Variants in MACROD2 observed in about 807,000 individuals in gnomAD.
MACROD2 encodes the protein ADP-ribose glycohydrolase MACROD2.
In MACROD2, 36 loss-of-function variants were observed where a neutral mutation model predicts 70.4. The observed-to-expected ratio is 0.51, with a 90% CI of 0.39 to 0.68. MACROD2 has a LOEUF of 0.68. Among genes scored for constraint, MACROD2 ranks in the 30% least tolerant of loss-of-function variants. The pLI, the probability that MACROD2 is intolerant of heterozygous loss-of-function variation, is 0.00. For synonymous variants in MACROD2, 172 were observed against 178.8 expected, an observed-to-expected ratio of 0.96 and a Z score of 0.30; for missense variants, 496 against 538.4, an observed-to-expected ratio of 0.92 and a Z score of 0.78.
chr20:14,691,449 G>C (rs2071063122), intron 5 of MACROD2, among the ~76,000 whole-genome samples: 1 of 152,140 alleles, frequency 6.6e-6, no homozygotes, highest in African/African-American at 2.4e-5. Context: ...TGAAAAGAAT[G>C]CCTAGAAAAA....
chr20:14,527,754 A>G (rs921361089), intron 4 of MACROD2, among the ~76,000 whole-genome samples: 1 of 152,226 alleles, frequency 6.6e-6, no homozygotes, highest in Admixed American at 6.5e-5. Flanking sequence ...TGTTAGACAC[A>G]TGCCAGAATG....
chr20:14,127,846 G>A, intron 3 of MACROD2: 1 of 469,998 alleles, frequency 2.1e-6, no homozygotes, highest in South Asian at 1.7e-5. Flanking sequence ...ATAGCAGGAA[G>A]CACCAACTCT....
At chr20:14,047,898 T>C (rs921293346) in intron 2 of MACROD2, among the ~76,000 whole-genome samples, 2 of 152,050 alleles carry the variant, frequency 1.3e-5, no homozygotes, top group Non-Finnish European at 2.9e-5. Flanking sequence ...AAGTTTTTGG[T>C]AAAATCAAAT....
chr20:15,162,558 G>A (rs1049611612), intron 5 of MACROD2, among the ~76,000 whole-genome samples: 6 of 152,060 alleles, frequency 3.9e-5, no homozygotes, highest in South Asian at 2.1e-4. Flanking sequence ...TGTAACTATC[G>A]ACATTGCTTC....
intron 3 of MACROD2, among the ~76,000 whole-genome samples, chr20:14,225,143 A>G (rs956397901): frequency 2.0e-5 from 3 of 152,216 alleles, no homozygotes; most frequent in Non-Finnish European, 4.4e-5. Context: ...TGGCAGAATA[A>G]TTTGTTTTCC....
intron 5 of MACROD2, among the ~76,000 whole-genome samples, chr20:14,930,395 A>G (rs1050129688): frequency 2.0e-5 from 3 of 152,210 alleles, no homozygotes; most frequent in Non-Finnish European, 1.5e-5. Flanking sequence ...AGCAGAGGTT[A>G]AAACATGTAT....
At chr20:15,519,892 C>G (rs2047628342) in intron 8 of MACROD2, among the ~76,000 whole-genome samples, 1 of 152,168 alleles carries the variant, frequency 6.6e-6, no homozygotes, top group African/African-American at 2.4e-5. Flanking sequence ...CCAACAGTTC[C>G]ATAATCTGAA....
At chr20:15,197,938 T>C (rs2076619714) in intron 5 of MACROD2, among the ~76,000 whole-genome samples, 1 of 150,344 alleles carries the variant, frequency 6.7e-6, no homozygotes, top group Non-Finnish European at 1.5e-5. Context: ...CTCAAGCAAT[T>C]TTCCTGCCTT....
intron 5 of MACROD2, among the ~76,000 whole-genome samples, chr20:15,035,069 A>T (rs1347920769): frequency 1.6e-4 from 25 of 152,002 alleles, no homozygotes. Context: ...CCATTTTCTC[A>T]CTCTTTTACC....
rs1452183966 is a variant in MACROD2 at position 15,294,017 on chromosome 20, A to C, written c.540+63956A>C. ...CACCTGTAACCCCAGCTACTTCGGGAGGCTGAGGCAGGAGAATTGCTTGAA... is the reference window on the plus strand; with the variant it reads ...CACCTGTAACCCCAGCTACTTCGGGCGGCTGAGGCAGGAGAATTGCTTGAA... On this transcript the variant is annotated intron_variant, in intron 6 of 17. Coordinates refer to ENST00000684519, the MANE Select transcript of MACROD2 (RefSeq NM_001351661.2). Among the ~76,000 whole-genome samples, 166 of 150,644 alleles carry C rather than the reference A, an allele frequency of 1.1e-3. 4 individuals are homozygous for C. In the Admixed American group the frequency reaches 0.011, roughly 10 times the overall value.
intron 6 of MACROD2, among the ~76,000 whole-genome samples, chr20:15,271,556 T>G (rs998796231): frequency 2.0e-5 from 3 of 152,220 alleles, no homozygotes; most frequent in African/African-American, 7.2e-5. Context: ...AAGAAGCATT[T>G]GTTAGATGTT....
chr20:15,288,172 T>C (rs1203622349), intron 6 of MACROD2, among the ~76,000 whole-genome samples: 1 of 152,200 alleles, frequency 6.6e-6, no homozygotes, highest in Non-Finnish European at 1.5e-5. Flanking sequence ...GACACTATGT[T>C]GGTTGACATA....
intron 4 of MACROD2, among the ~76,000 whole-genome samples, chr20:14,563,042 C>G (rs1189594492): frequency 1.3e-5 from 2 of 151,916 alleles, no homozygotes; most frequent in African/African-American, 4.8e-5. Context: ...CCTGCAGTCA[C>G]ACCTTTACTT....
chr20:14,035,167 A>G (rs532525912), intron 2 of MACROD2, among the ~76,000 whole-genome samples: 1 of 152,212 alleles, frequency 6.6e-6, no homozygotes, highest in Non-Finnish European at 1.5e-5. Context: ...AAGCTTCTGC[A>G]AGTATTTTTA....
At chr20:15,570,508 C>G (rs572951585) in intron 8 of MACROD2, among the ~76,000 whole-genome samples, 1 of 152,122 alleles carries the variant, frequency 6.6e-6, no homozygotes, top group South Asian at 2.1e-4. Context: ...CCAGCTCAAG[C>G]AAGAAAAGAA....
intron 3 of MACROD2, among the ~76,000 whole-genome samples, chr20:14,294,451 CTGT>C (rs1212596126): frequency 1.3e-5 from 2 of 151,482 alleles, no homozygotes; most frequent in African/African-American, 4.9e-5. Context: ...TTGAATGGTA[CTGT>C]TGTTTATTCT....
At chr20:14,443,777 A>ACT (rs1420531194) in intron 3 of MACROD2, among the ~76,000 whole-genome samples, 9 of 152,094 alleles carry the variant, frequency 5.9e-5, no homozygotes, top group Admixed American at 1.3e-4. Context: ...CTAGCTGGGT[A>ACT]AATTGGGCAA....
At chr20:15,690,877 T>C (rs1353078703) in intron 8 of MACROD2, among the ~76,000 whole-genome samples, 1 of 152,224 alleles carries the variant, frequency 6.6e-6, no homozygotes, top group Non-Finnish European at 1.5e-5. Flanking sequence ...TTATATTTAT[T>C]ATGTCATTTT....
At chr20:15,168,441 ATGTGTGTGTGTGTGTGTGTGTG>A (rs56188346) in intron 5 of MACROD2, among the ~76,000 whole-genome samples, 2 of 134,724 alleles carry the variant, frequency 1.5e-5, no homozygotes, top group South Asian at 2.6e-4. Context: ...ACATTGTGGG[ATGTGTGTGTGTGTGTGTGTGTG>A]TGTGTGTGTG....
Sources: gnomAD v4.1 joint callset for allele counts (sites outside exome capture counted in the v4.1 genomes callset) on GRCh38, gnomAD v4.1.1 for gene constraint, MANE v1.5 for transcripts, NCBI Gene and HGNC (gene_info 2026-07-23, HGNC 2026-07-21) for gene names.